The following DPYD variants were observed in gnomAD, a reference collection of about 807,000 sequenced individuals.
The protein encoded by DPYD is dihydropyrimidine dehydrogenase [NADP(+)].
A neutral mutation model predicts 116.2 loss-of-function variants in DPYD; 109 were observed. That is an observed-to-expected ratio of 0.94 (90% CI 0.80 to 1.10). The LOEUF (loss-of-function observed/expected upper bound fraction) is 1.10, where lower values mean the gene tolerates loss of function less well. Ranked by LOEUF, DPYD falls within the 50% of genes least tolerant of loss-of-function variation. The pLI, the probability that DPYD is intolerant of heterozygous loss-of-function variation, is 0.00. For synonymous variants in DPYD, 440 were observed against 432.0 expected (o/e 1.02, Z -0.23); for missense variants, 1,302 against 1,254.5 (o/e 1.04, Z -0.57).
intron 16 of DPYD, among the ~76,000 whole-genome samples, chr1:97,332,722 C>G (rs1176436848): frequency 6.6e-6 from 1 of 152,024 alleles, no homozygotes; most frequent in Non-Finnish European, 1.5e-5. Flanking sequence ...AATGCATAGT[C>G]AAGTAAGTAA....
At chr1:97,707,478 A>G (rs555441774) in intron 5 of DPYD, among the ~76,000 whole-genome samples, 11 of 118,446 alleles carry the variant, frequency 9.3e-5, no homozygotes, top group South Asian at 8.5e-4. Context: ...AGAGTGTGAT[A>G]TTCCCCTTCC....
At chr1:97,488,940 C>T (rs990739406) in intron 13 of DPYD, among the ~76,000 whole-genome samples, 3 of 152,346 alleles carry the variant, frequency 2.0e-5, no homozygotes, top group East Asian at 1.9e-4. Flanking sequence ...TGCTCCACAA[C>T]GAGCTGTACC....
At chr1:97,862,461 C>G (rs1333207729) in intron 2 of DPYD, among the ~76,000 whole-genome samples, 1 of 151,568 alleles carries the variant, frequency 6.6e-6, no homozygotes. Context: ...AATATACTAC[C>G]CAAGTATGAC....
chr1:97,331,828 A>T (rs558632925), intron 16 of DPYD, among the ~76,000 whole-genome samples: 16 of 152,342 alleles, frequency 1.1e-4, no homozygotes, highest in African/African-American at 3.8e-4. Context: ...TTGTGATTTT[A>T]TTAAGAAAAT....
At chr1:97,478,048 C>T (rs1678083752) in intron 13 of DPYD, among the ~76,000 whole-genome samples, 1 of 152,164 alleles carries the variant, frequency 6.6e-6, no homozygotes, top group African/African-American at 2.4e-5. Flanking sequence ...GTCAAAATTA[C>T]TCCATGATCC....
intron 20 of DPYD, among the ~76,000 whole-genome samples, chr1:97,183,845 A>G (rs1657810640): frequency 6.6e-6 from 1 of 152,080 alleles, no homozygotes; most frequent in Non-Finnish European, 1.5e-5. Context: ...TTCATTATAC[A>G]GGTTATTTTG....
intron 6 of DPYD, among the ~76,000 whole-genome samples, chr1:97,695,178 G>A (rs1661226741): frequency 6.6e-6 from 1 of 151,854 alleles, no homozygotes; most frequent in South Asian, 2.1e-4. Flanking sequence ...CTTCAATTCT[G>A]TCATTTTGTA....
intron 1 of DPYD, among the ~76,000 whole-genome samples, chr1:97,889,862 A>G (rs1177363158): frequency 6.6e-6 from 1 of 152,018 alleles, no homozygotes; most frequent in African/African-American, 2.4e-5. Context: ...TGAAAAAACA[A>G]CTTCTACTAA....
chr1:97,128,399 T>C (rs996533847), intron 20 of DPYD, among the ~76,000 whole-genome samples: 5 of 152,216 alleles, frequency 3.3e-5, no homozygotes, highest in African/African-American at 1.2e-4. Context: ...CGGGTTTTTA[T>C]GACTTATACA....
At chr1:97,913,711 G>A (rs553189624) in intron 1 of DPYD, among the ~76,000 whole-genome samples, 16 of 152,090 alleles carry the variant, frequency 1.1e-4, no homozygotes, top group South Asian at 4.2e-4. Context: ...AAGATCTACC[G>A]GGTGAGTCAA....
In DPYD at chr1:97,280,777, G is replaced by A. The variant is rs571992432; in HGVS notation, c.2299+24482C>T. The stretch of plus-strand genomic sequence containing the variant: ...CAGGGGCCTGGATAGGTTAGTCAAT[G>A]AATACAAAGTTATAGTTAGGAAGAA... On this transcript the variant is annotated intron_variant, in intron 18 of 22. Transcript: ENST00000370192. Among the ~76,000 whole-genome samples, 26 of 152,186 alleles carry A rather than the reference G, an allele frequency of 1.7e-4. 1 individual carries two copies. The South Asian group carries it at 5.0e-3, about 29-fold the overall frequency.
intron 1 of DPYD, among the ~76,000 whole-genome samples, chr1:97,900,881 A>G (rs2101683848): frequency 6.6e-6 from 1 of 151,930 alleles, no homozygotes; most frequent in East Asian, 2.0e-4. Flanking sequence ...TACACCATGC[A>G]AAACACCCTA....
chr1:97,801,323 C>T (rs957134256), intron 3 of DPYD, among the ~76,000 whole-genome samples: 19 of 151,790 alleles, frequency 1.3e-4, no homozygotes, highest in African/African-American at 4.6e-4. Context: ...AGCAAATGTT[C>T]GTTGTTTAAG....
At chr1:97,613,077 C>CTCTCTCTTTCCCTT (rs1376722294) in intron 8 of DPYD, among the ~76,000 whole-genome samples, 2 of 151,954 alleles carry the variant, frequency 1.3e-5, no homozygotes, top group Non-Finnish European at 2.9e-5. Context: ...CATGTCTTTT[C>CTCTCTCTTTCCCTT]TCTCTCTTTC....
chr1:97,265,383 T>G (rs1320745976), intron 18 of DPYD: 1 of 152,206 alleles, frequency 6.6e-6, no homozygotes, highest in Non-Finnish European at 1.5e-5. Context: ...GAGATTATTC[T>G]TATGTATTTT....
intron 2 of DPYD, among the ~76,000 whole-genome samples, chr1:97,851,723 A>T (rs964372580): frequency 6.9e-6 from 1 of 145,926 alleles, no homozygotes; most frequent in East Asian, 2.1e-4. Flanking sequence ...AAAAAAAAAA[A>T]GAAACTGGGC....
chr1:97,573,931 A>T lies in DPYD; in HGVS notation c.1168T>A (p.Phe390Ile). The change falls in exon 11 of 23, where the codon TTC becomes ATC. Residue 390 changes from phenylalanine to isoleucine, a missense_variant. Physicochemically the swap from Phe to Ile is conservative, Grantham distance 21. Transcript: ENST00000370192. Reference protein sequence around the residue: ...AKEEKCEFLPFLSPRKVIVKG... With the variant: ...AKEEKCEFLPILSPRKVIVKG... ...ACTATAACCTTCCGTGGGGACAGGAATGGCAGAAATTCACACTTTTCTTCC... is the reference window on the plus strand; with the variant it reads ...ACTATAACCTTCCGTGGGGACAGGATTGGCAGAAATTCACACTTTTCTTCC... 1 of 1,613,718 alleles carries T rather than the reference A, an allele frequency of 6.2e-7. No individual in the cohort carries two copies. Among genetic ancestry groups the T allele is most frequent in the Non-Finnish European group, 8.5e-7 (1 of 1,179,668 alleles).
At chr1:97,676,378 G>A (rs1030779525) in intron 8 of DPYD, among the ~76,000 whole-genome samples, 4 of 152,122 alleles carry the variant, frequency 2.6e-5, no homozygotes, top group Admixed American at 2.0e-4. Context: ...ATAAATATAA[G>A]ACTGAAGGAG....
intron 20 of DPYD, among the ~76,000 whole-genome samples, chr1:97,106,456 G>A (rs1651150081): frequency 6.6e-6 from 1 of 152,168 alleles, no homozygotes; most frequent in Non-Finnish European, 1.5e-5. Context: ...TTGATGGACT[G>A]CATAGAACAG....
Sources: gnomAD v4.1 joint callset for allele counts (sites outside exome capture counted in the v4.1 genomes callset) on GRCh38, gnomAD v4.1.1 for gene constraint, MANE v1.5 for transcripts, NCBI Gene and HGNC (gene_info 2026-07-23, HGNC 2026-07-21) for gene names.